Variants in EYS observed in about 807,000 individuals in gnomAD.
EYS encodes EGF-like photoreceptor maintenance factor.
EYS carries 250 observed loss-of-function variants against 282.1 expected under a neutral mutation model. The observed-to-expected ratio is 0.89, with a 90% CI of 0.80 to 0.98. The LOEUF is 0.98. Ranked by LOEUF, EYS falls within the 50% of genes least tolerant of loss-of-function variation. The pLI is 0.00. For missense variants in EYS, 4,016 were observed against 3,709.0 expected, an observed-to-expected ratio of 1.08 and a Z score of -2.15; for synonymous variants, 1,355 against 1,282.9, an observed-to-expected ratio of 1.06 and a Z score of -1.20.
At chr6:65,366,056 G>C (rs1196489821) in intron 8 of EYS, among the ~76,000 whole-genome samples, 1 of 151,704 alleles carries the variant, frequency 6.6e-6, no homozygotes, top group Non-Finnish European at 1.5e-5. Flanking sequence ...ACCAGACCTA[G>C]TTTAATGCCT....
At chr6:64,919,123 G>A (rs557488163) in intron 15 of EYS, among the ~76,000 whole-genome samples, 39 of 152,100 alleles carry the variant, frequency 2.6e-4, no homozygotes, top group Non-Finnish European at 2.9e-5. Flanking sequence ...GCATGTGGTC[G>A]GATAGACAGT....
At chr6:65,569,007 C>G (rs758660113) in intron 2 of EYS, among the ~76,000 whole-genome samples, 3 of 152,126 alleles carry the variant, frequency 2.0e-5, no homozygotes, top group Non-Finnish European at 4.4e-5. Flanking sequence ...TTTGAGACAA[C>G]GATGATAACT....
chr6:65,290,579 T>C (rs1768497029), intron 12 of EYS, among the ~76,000 whole-genome samples: 1 of 151,270 alleles, frequency 6.6e-6, no homozygotes, highest in Admixed American at 6.6e-5. Context: ...TTGCAACCAT[T>C]ATGATTTATC....
intron 22 of EYS, among the ~76,000 whole-genome samples, chr6:64,788,120 CCTAT>C (rs1313325888): frequency 1.3e-5 from 2 of 151,980 alleles, no homozygotes; most frequent in Non-Finnish European, 2.9e-5. Context: ...TCTAACAATC[CCTAT>C]CTGTCTGCTC....
intron 12 of EYS, among the ~76,000 whole-genome samples, chr6:65,058,173 G>A (rs1357585157): frequency 6.6e-6 from 1 of 152,032 alleles, no homozygotes; most frequent in African/African-American, 2.4e-5. Context: ...GTTTTGGAGA[G>A]GGAATCTCGC....
chr6:64,341,938 G>A (rs1771130989), intron 29 of EYS, among the ~76,000 whole-genome samples: 1 of 151,542 alleles, frequency 6.6e-6, no homozygotes, highest in Non-Finnish European at 1.5e-5. Flanking sequence ...GAACATATGT[G>A]CTTGCATGTG....
intron 30 of EYS, among the ~76,000 whole-genome samples, chr6:64,294,614 A>T (rs1184372109): frequency 6.6e-6 from 1 of 152,206 alleles, no homozygotes; most frequent in Non-Finnish European, 1.5e-5. Context: ...AAATTAGTGG[A>T]GAGCTTCAAT....
intron 31 of EYS, among the ~76,000 whole-genome samples, chr6:64,223,067 C>G (rs1484420514): frequency 6.6e-6 from 1 of 151,824 alleles, no homozygotes; most frequent in African/African-American, 2.4e-5. Flanking sequence ...TAAGTTTTGG[C>G]TTAAATGGCA....
intron 26 of EYS, among the ~76,000 whole-genome samples, chr6:64,481,823 C>G (rs1018589338): frequency 4.0e-5 from 6 of 151,624 alleles, no homozygotes; most frequent in East Asian, 3.9e-4. Context: ...TTTTAAAATA[C>G]CTACTTTGTG....
chr6:64,212,694 C>G (rs1315393539), intron 31 of EYS, among the ~76,000 whole-genome samples: 1 of 151,874 alleles, frequency 6.6e-6, no homozygotes, highest in Non-Finnish European at 1.5e-5. Context: ...TTGTGGAAGA[C>G]AGTGTGACTA....
At chr6:65,014,804 T>G (rs1306411015) in intron 13 of EYS, among the ~76,000 whole-genome samples, 1 of 152,216 alleles carries the variant, frequency 6.6e-6, no homozygotes, top group Non-Finnish European at 1.5e-5. Context: ...CTCCTAATTC[T>G]GGAAACCTGC....
chr6:63,833,258 G>A (rs1171418632), intron 36 of EYS, among the ~76,000 whole-genome samples: 1 of 152,118 alleles, frequency 6.6e-6, no homozygotes, highest in Non-Finnish European at 1.5e-5. Flanking sequence ...ATTCAATTAG[G>A]AAAAGAGGAA....
intron 14 of EYS, among the ~76,000 whole-genome samples, chr6:64,947,653 CTTTTTTTT>C (rs67440131): frequency 1.5e-5 from 2 of 129,310 alleles, no homozygotes; most frequent in Non-Finnish European, 3.4e-5. Context: ...CTTATTTTTT[CTTTTTTTT>C]TTTTTTTGTA....
At chr6:65,436,828 G>T (rs986102409) in intron 5 of EYS, among the ~76,000 whole-genome samples, 1 of 151,998 alleles carries the variant, frequency 6.6e-6, no homozygotes, top group South Asian at 2.1e-4. Context: ...AAGAATGGTT[G>T]AAATTTTAAT....
At chr6:64,315,260 T>C (rs1201867356) in intron 29 of EYS, among the ~76,000 whole-genome samples, 4 of 152,076 alleles carry the variant, frequency 2.6e-5, no homozygotes. Context: ...ACTTCTGAAA[T>C]TGAGGCAGTA....
chr6:64,407,979 C>T (rs1409056492), intron 28 of EYS, among the ~76,000 whole-genome samples: 5 of 152,054 alleles, frequency 3.3e-5, no homozygotes, highest in East Asian at 1.9e-4. Flanking sequence ...GTGATTGACC[C>T]GCCTCTTCAA....
intron 13 of EYS, among the ~76,000 whole-genome samples, chr6:65,044,929 T>C (rs1169517647): frequency 6.6e-6 from 1 of 151,832 alleles, no homozygotes; most frequent in East Asian, 1.9e-4. Context: ...CTCCTATTGT[T>C]TTCACTGCCC....
At chr6:65,402,199 G>A (rs968549559) in intron 7 of EYS, among the ~76,000 whole-genome samples, 5 of 151,336 alleles carry the variant, frequency 3.3e-5, no homozygotes, top group African/African-American at 1.2e-4. Context: ...ATTATTATTT[G>A]ATTATATTAA....
intron 12 of EYS, among the ~76,000 whole-genome samples, chr6:65,062,653 C>A (rs997399142): frequency 6.6e-6 from 1 of 151,904 alleles, no homozygotes; most frequent in Non-Finnish European, 1.5e-5. Context: ...TATTTTCCAG[C>A]CACACTGAAC....
Sources: gnomAD v4.1 joint callset for allele counts (sites outside exome capture counted in the v4.1 genomes callset) on GRCh38, gnomAD v4.1.1 for gene constraint, MANE v1.5 for transcripts, NCBI Gene and HGNC (gene_info 2026-07-23, HGNC 2026-07-21) for gene names.